FRMD3: variants seen among roughly 807,000 people sequenced by gnomAD.
FRMD3 encodes the protein FERM domain containing 3, also known as FERM domain-containing protein 3.
In FRMD3, 33 loss-of-function variants were observed where a neutral mutation model predicts 70.2. The observed-to-expected ratio is 0.47, with a 90% CI of 0.36 to 0.63. The LOEUF (loss-of-function observed/expected upper bound fraction) is 0.63, where lower values mean the gene tolerates loss of function less well. Ranked by LOEUF, FRMD3 falls within the 20% of genes least tolerant of loss-of-function variation. The pLI is 0.00. For synonymous variants in FRMD3, 279 were observed against 255.9 expected (o/e 1.09, Z -0.86); for missense variants, 632 against 711.4 (o/e 0.89, Z 1.27).
Position 83,246,771 on chromosome 9 carries a change from T to C in FRMD3, c.*1147A>G. 1 of 985,140 alleles carries C rather than the reference T, an allele frequency of 1.0e-6. No individual in the cohort carries two copies. The highest frequency in any genetic ancestry group is 1.2e-6 in the Non-Finnish European group (1 of 829,860). 61.0% of individuals were successfully genotyped at this position (985,140 alleles called of 1,614,324 possible). A position where few individuals can be genotyped will look rare whatever the true frequency, so the allele number is the denominator to read the frequency against. On this transcript the variant is annotated 3_prime_UTR_variant, in exon 14 of 14. Coordinates refer to ENST00000304195, the MANE Select transcript of FRMD3 (RefSeq NM_174938.6). ...AGGGATCAAAATATTTACCTTAAAG[T>C]TTCTCCACTTTTATTTAGATCCACT...
At chr9:83,265,183 G>A (rs1003654274) in intron 13 of FRMD3, among the ~76,000 whole-genome samples, 7 of 152,006 alleles carry the variant, frequency 4.6e-5, no homozygotes, top group African/African-American at 1.4e-4. Flanking sequence ...GGCGGATCAC[G>A]AGGTCAGGAG....
At chr9:83,355,805 C>T (rs956989746) in intron 3 of FRMD3, among the ~76,000 whole-genome samples, 3 of 152,138 alleles carry the variant, frequency 2.0e-5, no homozygotes, top group Middle Eastern at 3.2e-3. Context: ...ATTAACTCAG[C>T]CATGTAAGTG....
chr9:83,362,818 C>T (rs1382290906), intron 3 of FRMD3, among the ~76,000 whole-genome samples: 2 of 104,074 alleles, frequency 1.9e-5, no homozygotes, highest in African/African-American at 3.8e-5. Context: ...TTCCTTCCCT[C>T]CCTCCTTCCT....
chr9:83,381,582 T>C (rs1456668104), intron 2 of FRMD3, among the ~76,000 whole-genome samples: 1 of 151,946 alleles, frequency 6.6e-6, no homozygotes, highest in Non-Finnish European at 1.5e-5. Context: ...AAAGAAAATC[T>C]TCATTGTTTC....
the FRMD3 span, among the ~76,000 whole-genome samples, chr9:83,560,076 CA>C: frequency 6.6e-6 from 1 of 152,214 alleles, no homozygotes; most frequent in African/African-American, 2.4e-5. Flanking sequence ...AGCTGTCCAC[CA>C]AAATACATTA....
At chr9:83,344,044 A>G (rs1214840261) in intron 4 of FRMD3, among the ~76,000 whole-genome samples, 1 of 152,240 alleles carries the variant, frequency 6.6e-6, no homozygotes, top group Non-Finnish European at 1.5e-5. Flanking sequence ...AAAAATAGCA[A>G]GGTGGGAGGC....
At chr9:83,341,669 G>T (rs991243050) in intron 5 of FRMD3, among the ~76,000 whole-genome samples, 51 of 152,026 alleles carry the variant, frequency 3.4e-4, no homozygotes, top group African/African-American at 1.2e-3. Flanking sequence ...TGAAGGGGCT[G>T]TTTCCCATTA....
intron 1 of FRMD3, among the ~76,000 whole-genome samples, chr9:83,428,263 AGCTACTTGGGAGGCTGAG>A (rs1236697424): frequency 1.3e-5 from 2 of 152,112 alleles, no homozygotes; most frequent in African/African-American, 4.8e-5. Context: ...CTGTAATCCC[AGCTACTTGGGAGGCTGAG>A]GCAGAAGAAT....
chr9:83,372,784 A>T, intron 3 of FRMD3, 129 bp downstream of exon 3: 2 of 797,472 alleles, frequency 2.5e-6, no homozygotes, highest in Non-Finnish European at 4.3e-6. Flanking sequence ...TCCTGGGGAG[A>T]GAGAAGCCCC....
At chr9:83,471,803 A>T (rs1828275841) in intron 1 of FRMD3, among the ~76,000 whole-genome samples, 1 of 152,318 alleles carries the variant, frequency 6.6e-6, no homozygotes, top group East Asian at 1.9e-4. Flanking sequence ...CTGCTGTTTT[A>T]CTGACTGAAC....
chr9:83,407,873 C>CTCTCTCTCTCTCT (rs1564062738), intron 1 of FRMD3, among the ~76,000 whole-genome samples: 2 of 91,890 alleles, frequency 2.2e-5, no homozygotes, highest in Non-Finnish European at 4.0e-5. Flanking sequence ...CTCTCTCTCT[C>CTCTCTCTCTCTCT]ATCTTTCTCT....
At chr9:83,350,380 T>A (rs1199639027) in intron 3 of FRMD3, among the ~76,000 whole-genome samples, 1 of 151,924 alleles carries the variant, frequency 6.6e-6, no homozygotes, top group East Asian at 1.9e-4. Flanking sequence ...TCCCAGCACT[T>A]TGGGAGGCCA....
At chr9:83,467,584 T>G in intron 1 of FRMD3, 6 of 1,278,100 alleles carry the variant, frequency 4.7e-6, no homozygotes, top group Non-Finnish European at 6.6e-6. Context: ...AAAGCGTACC[T>G]GAGTTGATTA....
At chr9:83,489,001 T>TGG (rs1828752032) in intron 1 of FRMD3, among the ~76,000 whole-genome samples, 1 of 110,554 alleles carries the variant, frequency 9.0e-6, no homozygotes, top group Non-Finnish European at 1.9e-5. Context: ...TGTGTGTGTG[T>TGG]GTGTGTGTGT....
intron 1 of FRMD3, among the ~76,000 whole-genome samples, chr9:83,404,516 C>A (rs1826042999): frequency 1.3e-5 from 2 of 152,126 alleles, no homozygotes; most frequent in South Asian, 4.1e-4. Context: ...ACTGCATAAA[C>A]CCACAAGAAT....
intron 1 of FRMD3, among the ~76,000 whole-genome samples, chr9:83,410,676 T>C (rs12685254): frequency 3.3e-5 from 5 of 152,210 alleles, no homozygotes; most frequent in Non-Finnish European, 7.3e-5. Context: ...GTAATGGGAT[T>C]GCTGGGTTGA....
chr9:83,250,835 G>T (rs1047044591), intron 13 of FRMD3, among the ~76,000 whole-genome samples: 6 of 152,344 alleles, frequency 3.9e-5, no homozygotes, highest in Middle Eastern at 6.8e-3. Context: ...TCCAGCCAGG[G>T]TTCTACAGAC....
At chr9:83,570,858 G>A in the FRMD3 span, among the ~76,000 whole-genome samples, 1 of 152,174 alleles carries the variant, frequency 6.6e-6, no homozygotes, top group African/African-American at 2.4e-5. Context: ...GTTTGGACCT[G>A]GGTAGCAAAG....
intron 3 of FRMD3, chr9:83,350,753 A>G: frequency 1.0e-6 from 1 of 982,200 alleles, no homozygotes; most frequent in Non-Finnish European, 1.2e-6. Context: ...ATTCTGGTTG[A>G]GGTTCATGAT....
Sources: allele counts gnomAD v4.1 joint callset (sites outside exome capture counted in the v4.1 genomes callset), GRCh38; gene constraint gnomAD v4.1.1; transcripts MANE v1.5; gene names NCBI Gene and HGNC (gene_info 2026-07-23, HGNC 2026-07-21).